The following PDS5B variants were observed in gnomAD, a reference collection of about 807,000 sequenced individuals.
PDS5B encodes the protein sister chromatid cohesion protein PDS5 homolog B.
A neutral mutation model predicts 184.1 loss-of-function variants in PDS5B; 51 were observed. That is an observed-to-expected ratio of 0.28 (90% CI 0.22 to 0.35). The LOEUF is 0.35. Among genes scored for constraint, PDS5B ranks in the 10% least tolerant of loss-of-function variants. The pLI is 1.00. For missense variants in PDS5B, 1,180 were observed against 1,723.3 expected (o/e 0.68, Z 5.58); for synonymous variants, 566 against 569.2 (o/e 0.99, Z 0.08).
At chr13:32,719,430 A>G (rs574054764) in intron 19 of PDS5B, among the ~76,000 whole-genome samples, 10 of 152,238 alleles carry the variant, frequency 6.6e-5, no homozygotes, top group Non-Finnish European at 1.5e-4. Context: ...TGATCTGCCT[A>G]GCTTGGCCTC....
At chr13:32,727,395 C>A (rs967716888) in intron 19 of PDS5B, among the ~76,000 whole-genome samples, 1 of 152,072 alleles carries the variant, frequency 6.6e-6, no homozygotes, top group Non-Finnish European at 1.5e-5. Flanking sequence ...CCATTTCTGT[C>A]ACTTTTCATT....
At chr13:32,719,636 C>G (rs1243522117) in intron 19 of PDS5B, among the ~76,000 whole-genome samples, 1 of 152,174 alleles carries the variant, frequency 6.6e-6, no homozygotes, top group Non-Finnish European at 1.5e-5. Context: ...CTAAGTCTCT[C>G]TGCCCTTTTA....
chr13:32,618,095 CT>C (rs911878976), intron 1 of PDS5B, among the ~76,000 whole-genome samples: 2 of 152,134 alleles, frequency 1.3e-5, no homozygotes, highest in African/African-American at 4.8e-5. Context: ...CCAGGAGCTG[CT>C]TTTTTAAGGG....
At chr13:32,684,523 G>C (rs567195508) in intron 11 of PDS5B, among the ~76,000 whole-genome samples, 1 of 152,310 alleles carries the variant, frequency 6.6e-6, no homozygotes, top group African/African-American at 2.4e-5. Context: ...CCTCAAGCCA[G>C]CTTTTTTGAA....
At chr13:32,690,878 A>G (rs1307026376) in intron 13 of PDS5B, 1 of 152,126 alleles carries the variant, frequency 6.6e-6, no homozygotes, top group Non-Finnish European at 1.5e-5. Flanking sequence ...TAGGGTACAT[A>G]TATATCATTT....
intron 10 of PDS5B, among the ~76,000 whole-genome samples, chr13:32,681,581 G>A (rs921009707): frequency 5.9e-5 from 9 of 151,560 alleles, no homozygotes; most frequent in South Asian, 2.1e-4. Context: ...CCGAGAGATC[G>A]CGCCACTGCA....
intron 30 of PDS5B, chr13:32,763,319 T>C (rs1013172944): frequency 2.0e-5 from 3 of 152,636 alleles, no homozygotes; most frequent in Admixed American, 6.5e-5. Context: ...TTGTGCAGAA[T>C]GTACTATAGA....
intron 18 of PDS5B, 47 bp from the exon 19 acceptor site, chr13:32,709,899 T>C (rs779944376): frequency 4.3e-6 from 5 of 1,151,448 alleles, no homozygotes; most frequent in South Asian, 2.9e-5. Flanking sequence ...ATTTGTATTA[T>C]AAAGATGAAA....
At chr13:32,768,664 A>G (rs1022083714) in intron 31 of PDS5B, among the ~76,000 whole-genome samples, 1 of 151,728 alleles carries the variant, frequency 6.6e-6, no homozygotes, top group African/African-American at 2.4e-5. Flanking sequence ...ATGGTGGCAC[A>G]TGCCTCTAGT....
intron 30 of PDS5B, among the ~76,000 whole-genome samples, chr13:32,763,202 G>A (rs914116891): frequency 3.9e-5 from 6 of 152,068 alleles, no homozygotes; most frequent in Non-Finnish European, 5.9e-5. Flanking sequence ...TTTGGACTTC[G>A]TAAACCATGG....
At chr13:32,725,162 A>T (rs1952854917) in intron 19 of PDS5B, among the ~76,000 whole-genome samples, 1 of 152,212 alleles carries the variant, frequency 6.6e-6, no homozygotes, top group South Asian at 2.1e-4. Context: ...ATATTTGTTT[A>T]GGAAAGGCAG....
At chr13:32,593,025 C>T (rs2057800194) in intron 1 of PDS5B, among the ~76,000 whole-genome samples, 1 of 152,088 alleles carries the variant, frequency 6.6e-6, no homozygotes, top group African/African-American at 2.4e-5. Context: ...TTTTAGGATA[C>T]TCATAGGTTT....
At chr13:32,658,681 G>T (rs1950574736) in intron 5 of PDS5B, 150 bp downstream of exon 5, 1 of 546,672 alleles carries the variant, frequency 1.8e-6, no homozygotes, top group Non-Finnish European at 3.3e-6. Context: ...TTTCAAAAAT[G>T]AATAGAGCTT....
At chr13:32,606,028 C>G (rs1172455248) in intron 1 of PDS5B, among the ~76,000 whole-genome samples, 4 of 152,072 alleles carry the variant, frequency 2.6e-5, no homozygotes, top group Admixed American at 1.3e-4. Flanking sequence ...TCCAATTTGC[C>G]AGTCTGTGTC....
chr13:32,777,950 A>G lies in PDS5B; in HGVS notation c.*2898A>G, dbSNP rs1393146564. The G allele has an allele frequency of 6.6e-6, 1 of 152,456 alleles. No homozygotes were observed. The highest frequency in any genetic ancestry group is 2.4e-5 in the African/African-American group (1 of 41,456). 9.4% of individuals were successfully genotyped at this position (152,456 alleles called of 1,614,324 possible). On this transcript the variant is annotated 3_prime_UTR_variant, in exon 35 of 35. Transcript: ENST00000315596. Reference sequence around the variant, plus strand: ...TATGTCACCATAATGAACAATTGCTATTTAAATAGATAACCAATTTTCAGA... The same window carrying G: ...TATGTCACCATAATGAACAATTGCTGTTTAAATAGATAACCAATTTTCAGA...
At chr13:32,742,257 G>T (rs1953585301) in intron 22 of PDS5B, among the ~76,000 whole-genome samples, 1 of 152,136 alleles carries the variant, frequency 6.6e-6, no homozygotes, top group Non-Finnish European at 1.5e-5. Context: ...AGGCAGAAAA[G>T]ATTAAATGTA....
At chr13:32,600,688 G>A (rs781405667) in intron 1 of PDS5B, among the ~76,000 whole-genome samples, 48 of 152,320 alleles carry the variant, frequency 3.2e-4, no homozygotes, top group Middle Eastern at 6.8e-3. Flanking sequence ...GCAGTGAGCC[G>A]AGATCGTGCC....
chr13:32,658,332 A>C lies in PDS5B; in HGVS notation c.399+7A>C. On this transcript the variant is annotated splice_region_variant and intron_variant, in intron 4 of 34. Coordinates refer to ENST00000315596, the MANE Select transcript of PDS5B (RefSeq NM_015032.4). ...GTATTTTTATTTACTTGAGGTAAGC[A>C]ATATCTTGTATCTTGAGATGACATT... The C allele has an allele frequency of 6.9e-7, 1 of 1,448,884 alleles. No individual in the cohort carries two copies. The highest frequency in any genetic ancestry group is 9.7e-7 in the Non-Finnish European group (1 of 1,034,974). 89.8% of individuals were successfully genotyped at this position (1,448,884 alleles called of 1,614,324 possible). A position where few individuals can be genotyped will look rare whatever the true frequency, so the allele number is the denominator to read the frequency against.
intron 5 of PDS5B, among the ~76,000 whole-genome samples, chr13:32,658,860 G>C (rs935065628): frequency 6.6e-6 from 1 of 152,032 alleles, no homozygotes; most frequent in Non-Finnish European, 1.5e-5. Context: ...ATTAACTTCA[G>C]AGCAATTCAA....
Sources: gnomAD v4.1 joint callset for allele counts (sites outside exome capture counted in the v4.1 genomes callset) on GRCh38, gnomAD v4.1.1 for gene constraint, MANE v1.5 for transcripts, NCBI Gene and HGNC (gene_info 2026-07-23, HGNC 2026-07-21) for gene names.